CLYBL: variants seen among roughly 807,000 people sequenced by gnomAD.
CLYBL encodes citramalyl-CoA lyase, mitochondrial.
CLYBL carries 31 observed loss-of-function variants against 38.9 expected under a neutral mutation model. That is an observed-to-expected ratio of 0.80 (90% CI 0.60 to 1.08). The LOEUF is 1.08. CLYBL is among the 50% of genes least tolerant of loss of function. CLYBL has a pLI of 0.00. For missense variants in CLYBL, 434 were observed against 411.6 expected, an observed-to-expected ratio of 1.05 and a Z score of -0.47; for synonymous variants, 171 against 158.6, an observed-to-expected ratio of 1.08 and a Z score of -0.59.
At chr13:99,730,837 C>G (rs1253935040) in intron 1 of CLYBL, among the ~76,000 whole-genome samples, 1 of 152,098 alleles carries the variant, frequency 6.6e-6, no homozygotes, top group African/African-American at 2.4e-5. Flanking sequence ...AATCCTAGCA[C>G]TTTGGGAGGC....
chr13:99,909,083 G>C (rs1303050154), exon 10 of CLYBL, among the ~76,000 whole-genome samples: 2 of 152,182 alleles, frequency 1.3e-5, no homozygotes, highest in African/African-American at 4.8e-5. Context: ...AGACATAGCG[G>C]AACAGAAAAC....
intron 1 of CLYBL, among the ~76,000 whole-genome samples, chr13:99,739,207 A>G (rs1342070941): frequency 6.6e-6 from 1 of 152,208 alleles, no homozygotes; most frequent in Non-Finnish European, 1.5e-5. Context: ...AGTGTTCGTA[A>G]TATGAAACAG....
chr13:99,851,483 T>TTA (rs1303794902), intron 2 of CLYBL, among the ~76,000 whole-genome samples: 5 of 151,948 alleles, frequency 3.3e-5, no homozygotes, highest in East Asian at 1.9e-4. Flanking sequence ...AAACTTTGTT[T>TTA]TATATATATA....
At chr13:99,891,720 C>T in intron 8 of CLYBL, 1 of 250,064 alleles carries the variant, frequency 4.0e-6, no homozygotes, top group South Asian at 6.9e-5. Flanking sequence ...GAAGGTAGGT[C>T]TTTAATGAAA....
At chr13:99,909,192 G>T (rs550417111) in exon 10 of CLYBL, among the ~76,000 whole-genome samples, 2 of 152,316 alleles carry the variant, frequency 1.3e-5, no homozygotes, top group African/African-American at 4.8e-5. Flanking sequence ...GGGCAGAGAG[G>T]CTGCACTGTG....
intron 2 of CLYBL, among the ~76,000 whole-genome samples, chr13:99,776,270 G>A (rs982149905): frequency 1.3e-5 from 2 of 151,602 alleles, no homozygotes; most frequent in South Asian, 2.1e-4. Flanking sequence ...CGAGGCAGGC[G>A]GATCACTTGA....
chr13:99,804,478 T>G (rs79499162), intron 2 of CLYBL, among the ~76,000 whole-genome samples: 1 of 152,210 alleles, frequency 6.6e-6, no homozygotes, highest in Non-Finnish European at 1.5e-5. Context: ...TGTTTTTTTT[T>G]CCATGCTCCC....
chr13:99,813,224 A>G lies in CLYBL; in HGVS notation c.249+40214A>G, dbSNP rs573488136. ...CCTTAATGGGGGTCCCATGCCTGAG[A>G]ACATGGCCCTTGGAATAGAAATATC... is the stretch of plus-strand genomic sequence containing the variant. On this transcript the variant is annotated intron_variant, in intron 2 of 8. Transcript: ENST00000339105. Among the ~76,000 whole-genome samples, 8 of 152,276 alleles carry G rather than the reference A, an allele frequency of 5.3e-5. No individual in the cohort carries two copies. The South Asian group carries it at 1.5e-3, about 28-fold the overall frequency.
At chr13:99,746,264 A>G (rs1295480025) in intron 1 of CLYBL, among the ~76,000 whole-genome samples, 1 of 152,176 alleles carries the variant, frequency 6.6e-6, no homozygotes, top group Non-Finnish European at 1.5e-5. Flanking sequence ...TTTAAAAAAA[A>G]GTTAAGGAGA....
chr13:99,780,338 A>G (rs895711174), intron 2 of CLYBL, among the ~76,000 whole-genome samples: 1 of 152,134 alleles, frequency 6.6e-6, no homozygotes, highest in Non-Finnish European at 1.5e-5. Context: ...TTGTATTTTA[A>G]TTACGTCTCC....
rs552229957 is a variant in CLYBL, at chr13:99,869,434, A to C, written c.803-1504A>C. ...GACAACTATTAAATTACTTAAATAT[A>C]ATCTCGATACCTACTACCGAAAAAA... On this transcript the variant is annotated intron_variant, in intron 6 of 8. Coordinates refer to ENST00000339105, the MANE Select transcript of CLYBL (RefSeq NM_206808.5). This position sits in a 1 kb window ranked among gnomAD's most constrained non-coding sequence, Gnocchi z 4.3. Among the ~76,000 whole-genome samples the C allele has an allele frequency of 6.6e-6, 1 of 152,148 alleles. No individual in the cohort carries two copies. The highest frequency in any genetic ancestry group is 1.5e-5 in the Non-Finnish European group (1 of 67,994).
chr13:99,685,913 G>T (rs1162678341), intron 1 of CLYBL, among the ~76,000 whole-genome samples: 1 of 152,132 alleles, frequency 6.6e-6, no homozygotes, highest in African/African-American at 2.4e-5. Flanking sequence ...AGTGAGCGGA[G>T]ATTGCGCCAT....
At chr13:99,675,647 T>C (rs1449917482) in intron 1 of CLYBL, among the ~76,000 whole-genome samples, 1 of 152,230 alleles carries the variant, frequency 6.6e-6, no homozygotes, top group African/African-American at 2.4e-5. Context: ...TGTGACTGGC[T>C]TCTTTCACTT....
chr13:99,676,263 T>C (rs2047648459), intron 1 of CLYBL, among the ~76,000 whole-genome samples: 1 of 151,594 alleles, frequency 6.6e-6, no homozygotes, highest in Admixed American at 6.6e-5. Flanking sequence ...TTTCTTTTTC[T>C]ATTTCTCTTT....
intron 8 of CLYBL, among the ~76,000 whole-genome samples, chr13:99,903,393 GACAC>G (rs947330499): frequency 1.3e-5 from 2 of 150,286 alleles, no homozygotes; most frequent in African/African-American, 2.4e-5. Context: ...CACGCACACT[GACAC>G]ACACATACAC....
At chr13:99,635,837 C>T (rs1336742285) in intron 1 of CLYBL, among the ~76,000 whole-genome samples, 7 of 152,166 alleles carry the variant, frequency 4.6e-5, no homozygotes, top group Admixed American at 4.6e-4. Context: ...TTTATGGTGA[C>T]AATACTACTG....
chr13:99,719,947 C>G (rs1040098399), intron 1 of CLYBL, among the ~76,000 whole-genome samples: 27 of 151,876 alleles, frequency 1.8e-4, no homozygotes, highest in African/African-American at 6.5e-4. Flanking sequence ...GGTCTTTTAG[C>G]AGGGATATTT....
chr13:99,618,359 T>C (rs1315860488), intron 1 of CLYBL, among the ~76,000 whole-genome samples: 1 of 152,152 alleles, frequency 6.6e-6, no homozygotes, highest in East Asian at 1.9e-4. Flanking sequence ...AACCTCTGCC[T>C]CCTGGGTTCA....
At chr13:99,655,692 C>T (rs2139315064) in intron 1 of CLYBL, among the ~76,000 whole-genome samples, 1 of 152,298 alleles carries the variant, frequency 6.6e-6, no homozygotes, top group African/African-American at 2.4e-5. Context: ...GTGGGCCTTG[C>T]TTGTGGGACC....
Sources: gnomAD v4.1 joint callset for allele counts (sites outside exome capture counted in the v4.1 genomes callset) on GRCh38, gnomAD v4.1.1 for gene constraint, Gnocchi (gnomAD v3.1) non-coding constraint, MANE v1.5 for transcripts, NCBI Gene and HGNC (gene_info 2026-07-23, HGNC 2026-07-21) for gene names.